DIP2A: variants seen among roughly 807,000 people sequenced by gnomAD.
DIP2A encodes the protein disco-interacting protein 2 homolog A.
A neutral mutation model predicts 177.4 loss-of-function variants in DIP2A; 85 were observed. That is an observed-to-expected ratio of 0.48 (90% CI 0.40 to 0.57). The LOEUF (loss-of-function observed/expected upper bound fraction) is 0.57, where lower values mean the gene tolerates loss of function less well. Ranked by LOEUF, DIP2A falls within the 20% of genes least tolerant of loss-of-function variation. The pLI is 0.00. For synonymous variants in DIP2A, 886 were observed against 881.8 expected (o/e 1.00, Z -0.08); for missense variants, 1,791 against 2,100.2 (o/e 0.85, Z 2.88).
rs2060522522 is a variant in DIP2A, at chr21:46,557,884, A to G, written c.3798+131A>G. On this transcript the variant is annotated intron_variant, in intron 31 of 37. Coordinates refer to ENST00000417564, the MANE Select transcript of DIP2A (RefSeq NM_015151.4). The surrounding 1 kb of genome is among the most constrained non-coding windows in gnomAD (Gnocchi z 6.0). Reference sequence around the variant, plus strand: ...GAGGAAGTAGAGAAAACCCTTTCCCACTAGGGGCCCTATGTACACATCTGT... The same window carrying G: ...GAGGAAGTAGAGAAAACCCTTTCCCGCTAGGGGCCCTATGTACACATCTGT... 1.7e-6 allele frequency: 2 copies of G among 1,164,118 alleles called. No homozygotes were observed. The highest frequency in any genetic ancestry group is 3.1e-5 in the South Asian group (2 of 63,836). The allele number at this position is 1,164,118 out of a possible 1,614,324, so 72.1% of individuals were successfully genotyped here. A position where few individuals can be genotyped will look rare whatever the true frequency, so the allele number is the denominator to read the frequency against.
chr21:46,497,448 GA>G (rs1174612821), intron 4 of DIP2A, among the ~76,000 whole-genome samples: 1 of 152,128 alleles, frequency 6.6e-6, no homozygotes, highest in Non-Finnish European at 1.5e-5. Flanking sequence ...CCTGAATTAG[GA>G]ATTTTACAGT....
rs1180232928 is a variant in DIP2A at position 46,496,956 on chromosome 21, A to G, written c.284-32A>G. On this transcript the variant is annotated intron_variant, in intron 3 of 37. Coordinates refer to ENST00000417564, the MANE Select transcript of DIP2A (RefSeq NM_015151.4). ...TGTTACTTTATAAACAGTCTTGTAA[A>G]AAGTATTTTTACTGCTGTCCTTCCT... is the stretch of plus-strand genomic sequence containing the variant. 4 of 1,573,672 alleles carry G rather than the reference A, an allele frequency of 2.5e-6. No individual in the cohort carries two copies. In the East Asian group the frequency reaches 6.8e-5, roughly 27 times the overall value.
intron 25 of DIP2A, among the ~76,000 whole-genome samples, 153 bp downstream of exon 25, chr21:46,552,057 C>A (rs114053775): frequency 6.6e-6 from 1 of 151,902 alleles, no homozygotes; most frequent in Non-Finnish European, 1.5e-5. Flanking sequence ...TGTTCTCATG[C>A]GTAGAGAGCA....
the DIP2A span, among the ~76,000 whole-genome samples, chr21:46,579,449 T>C: frequency 6.6e-6 from 1 of 152,218 alleles, no homozygotes; most frequent in Non-Finnish European, 1.5e-5. Flanking sequence ...CGTCTCTGTT[T>C]CCTTCAGTTC....
chr21:46,561,891 C>G (rs886692333), intron 34 of DIP2A, 86 bp downstream of exon 34: 1 of 1,573,036 alleles, frequency 6.4e-7, no homozygotes, highest in Non-Finnish European at 8.6e-7. Flanking sequence ...CTGGGGGCTG[C>G]GGCTCTGATG....
chr21:46,519,215 T>C (rs2058713140), intron 8 of DIP2A, among the ~76,000 whole-genome samples: 1 of 152,192 alleles, frequency 6.6e-6, no homozygotes, highest in Non-Finnish European at 1.5e-5. Context: ...ATTGCCATCT[T>C]CATTTGCGGG....
In DIP2A at chr21:46,458,982, C is replaced by G. The variant is rs1290708046; in HGVS notation, c.-150C>G. ...CGTGCCCGCGCGGGTGCGTTGCTGT[C>G]CTGGCCGCGCCCCTGTCCCGCCGCC... On this transcript the variant is annotated 5_prime_UTR_variant, in exon 1 of 38. Transcript: ENST00000417564. 2 of 580,568 alleles carry G rather than the reference C, an allele frequency of 3.4e-6. No individual in the cohort carries two copies. Among genetic ancestry groups the G allele is most frequent in the Non-Finnish European group, 5.3e-6 (2 of 374,860 alleles). The allele number at this position is 580,568 out of a possible 1,614,324, so 36.0% of individuals were successfully genotyped here. A position where few individuals can be genotyped will look rare whatever the true frequency, so the allele number is the denominator to read the frequency against.
At chr21:46,492,932 A>AG (rs1482693412) in intron 3 of DIP2A, among the ~76,000 whole-genome samples, 1 of 44,664 alleles carries the variant, frequency 2.2e-5, no homozygotes, top group East Asian at 8.7e-4. Flanking sequence ...ACTCTGTCTC[A>AG]AAAAAAAAAG....
At chr21:46,571,189 T>C (rs979174763), downstream of DIP2A, among the ~76,000 whole-genome samples, 1 of 152,158 alleles carries the variant, frequency 6.6e-6, no homozygotes, top group African/African-American at 2.4e-5. Flanking sequence ...GGGATCGAGG[T>C]TGCACACTCC....
intron 19 of DIP2A, 64 bp from the exon 20 acceptor site, chr21:46,545,817 G>A (rs2060008752): frequency 1.4e-5 from 22 of 1,581,580 alleles, no homozygotes; most frequent in Admixed American, 1.7e-5. Context: ...GCCGCCTGCT[G>A]GGTCTTTTTG....
At chr21:46,517,668 A>G (rs1459498657) in intron 8 of DIP2A, among the ~76,000 whole-genome samples, 2 of 152,190 alleles carry the variant, frequency 1.3e-5, no homozygotes, top group Non-Finnish European at 1.5e-5. Context: ...GGTTTTCCAC[A>G]TGGGCTCTTG....
At chr21:46,484,530 CA>C (rs2056564503) in intron 1 of DIP2A, among the ~76,000 whole-genome samples, 1 of 152,192 alleles carries the variant, frequency 6.6e-6, no homozygotes, top group African/African-American at 2.4e-5. Context: ...TTCTTTCACT[CA>C]GCAGCATGCA....
At chr21:46,480,163 A>G (rs2056239240) in intron 1 of DIP2A, among the ~76,000 whole-genome samples, 1 of 151,906 alleles carries the variant, frequency 6.6e-6, no homozygotes, top group Non-Finnish European at 1.5e-5. Flanking sequence ...AGACTTGGTA[A>G]TTTATAAAGG....
chr21:46,566,538 T>G, intron 36 of DIP2A, 22 bp from the exon 37 acceptor site: 1 of 1,613,944 alleles, frequency 6.2e-7, no homozygotes, highest in Non-Finnish European at 8.5e-7. Context: ...TCTGGGCACG[T>G]GTAAACACAC....
rs572790964 is a variant in DIP2A, at chr21:46,505,242, T to A, written c.784+753T>A. On this transcript the variant is annotated intron_variant, in intron 6 of 37. Coordinates refer to ENST00000417564, the MANE Select transcript of DIP2A (RefSeq NM_015151.4). ...CTAGACATGTATTTAATTCAATTTATTACTCTTTATATTTAAAAAAATTAA... is the reference window on the plus strand; with the variant it reads ...CTAGACATGTATTTAATTCAATTTAATACTCTTTATATTTAAAAAAATTAA... 9.8e-5 allele frequency among the ~76,000 whole-genome samples: 15 copies of A among 152,302 alleles called. 1 individual carries two copies. The South Asian group carries it at 3.1e-3, about 32-fold the overall frequency.
chr21:46,560,658 C>T (rs1668841381), intron 32 of DIP2A, 64 bp from the exon 33 acceptor site: 1 of 1,556,436 alleles, frequency 6.4e-7, no homozygotes, highest in Non-Finnish European at 8.7e-7. Context: ...TGCAGCTGTA[C>T]CTGTAGAAAC....
At chr21:46,476,066 T>A (rs989040283) in intron 1 of DIP2A, among the ~76,000 whole-genome samples, 1 of 130,114 alleles carries the variant, frequency 7.7e-6, no homozygotes, top group African/African-American at 3.0e-5. Context: ...AAACCCCATC[T>A]CTACTAAAAA....
chr21:46,461,404 A>C (rs749332410), intron 1 of DIP2A, among the ~76,000 whole-genome samples: 2 of 151,904 alleles, frequency 1.3e-5, no homozygotes, highest in African/African-American at 2.4e-5. Context: ...GCATTTGTTA[A>C]GGCTCTTTAG....
chr21:46,484,366 A>G (rs569828818), intron 1 of DIP2A, among the ~76,000 whole-genome samples: 2 of 151,814 alleles, frequency 1.3e-5, no homozygotes, highest in Non-Finnish European at 2.9e-5. Context: ...CCACCACTAC[A>G]CTCCCAACGT....
Sources: gnomAD v4.1 joint callset for allele counts (sites outside exome capture counted in the v4.1 genomes callset) on GRCh38, gnomAD v4.1.1 for gene constraint, Gnocchi (gnomAD v3.1) non-coding constraint, MANE v1.5 for transcripts, NCBI Gene and HGNC (gene_info 2026-07-23, HGNC 2026-07-21) for gene names.